DMD: variants seen among roughly 807,000 people sequenced by gnomAD.
DMD encodes dystrophin, also known as mutant dystrophin.
DMD carries 63 observed loss-of-function variants against 330.1 expected under a neutral mutation model. That is an observed-to-expected ratio of 0.19 (90% CI 0.16 to 0.24). The LOEUF (loss-of-function observed/expected upper bound fraction) is 0.24, where lower values mean the gene tolerates loss of function less well. Among genes scored for constraint, DMD ranks in the 10% least tolerant of loss-of-function variants. The pLI is 1.00. For synonymous variants in DMD, 1,223 were observed against 959.8 expected, an observed-to-expected ratio of 1.27 and a Z score of -5.07; for missense variants, 3,344 against 2,684.1, an observed-to-expected ratio of 1.25 and a Z score of -5.43.
chrX:32,544,027 T>G (rs1238865929), intron 17 of DMD, among the ~76,000 whole-genome samples: 1 of 112,133 alleles, frequency 8.9e-6, no homozygotes, highest in Non-Finnish European at 1.9e-5. Context: ...TTTTGATTAT[T>G]TTCAACCATT....
In DMD at chrX:31,420,537, C is replaced by T. The variant is rs181032664; in HGVS notation, c.9084+23944G>A. 1.7e-4 allele frequency among the ~76,000 whole-genome samples: 19 copies of T among 111,796 alleles called. No individual in the cohort carries two copies. The East Asian group carries it at 5.1e-3, about 30-fold the overall frequency. On this transcript the variant is annotated intron_variant, in intron 60 of 78. Coordinates refer to ENST00000357033, the MANE Select transcript of DMD (RefSeq NM_004006.3). ...CCTGACATCTGTTTTTTTTAATCAC[C>T]CTTATAGCAAGTTAGTTTTAAAGAA...
At chrX:32,477,159 CTTT>C (rs1460860841) in intron 21 of DMD, among the ~76,000 whole-genome samples, 1 of 111,040 alleles carries the variant, frequency 9.0e-6, no homozygotes, top group Non-Finnish European at 1.9e-5. Flanking sequence ...ATGCAGATAT[CTTT>C]TTGGTTTTAT....
chrX:32,971,455 G>A (rs1352745236), intron 2 of DMD, among the ~76,000 whole-genome samples: 3 of 110,766 alleles, frequency 2.7e-5, no homozygotes, highest in African/African-American at 9.9e-5. Flanking sequence ...AAATTTCAGG[G>A]AAAAAAACCC....
At chrX:32,325,878 A>G (rs1199092029) in intron 41 of DMD, among the ~76,000 whole-genome samples, 2 of 104,217 alleles carry the variant, frequency 1.9e-5, no homozygotes, top group Non-Finnish European at 3.9e-5. Flanking sequence ...ATCTCGGCTC[A>G]CTGCAAACTA....
intron 13 of DMD, among the ~76,000 whole-genome samples, chrX:32,585,610 G>A (rs1171019208): frequency 2.0e-5 from 2 of 98,949 alleles, no homozygotes; most frequent in African/African-American, 7.4e-5. Flanking sequence ...TGAGGTAGGA[G>A]AATGGCATGA....
At chrX:32,107,005 T>C (rs974670024) in intron 44 of DMD, among the ~76,000 whole-genome samples, 3 of 112,003 alleles carry the variant, frequency 2.7e-5, no homozygotes, top group African/African-American at 9.7e-5. Flanking sequence ...GAAAAGTCAA[T>C]GGGATCTAAT....
intron 43 of DMD, among the ~76,000 whole-genome samples, chrX:32,219,225 G>C (rs1450975850): frequency 8.9e-6 from 1 of 111,882 alleles, no homozygotes; most frequent in Non-Finnish European, 1.9e-5. Flanking sequence ...GTTTTTGCAT[G>C]TTTACTAATA....
intron 2 of DMD, among the ~76,000 whole-genome samples, chrX:32,984,189 C>G (rs1336822193): frequency 8.9e-6 from 1 of 111,989 alleles, no homozygotes; most frequent in East Asian, 2.8e-4. Flanking sequence ...AGAAGTGGTA[C>G]CAAGTGATCA....
Position 32,217,071 on chromosome X carries a change from TA to T in DMD, c.6291-9del. On this transcript the variant is annotated splice_polypyrimidine_tract_variant and intron_variant, in intron 43 of 78. Coordinates refer to ENST00000357033, the MANE Select transcript of DMD (RefSeq NM_004006.3). ...ACAGATCTGTCAAATCGCCTGCAGG[TA>T]AAAGCATATGGATCAAGAAAAATAG... The T allele has an allele frequency of 8.3e-7, 1 of 1,205,185 alleles. No individual in the cohort carries two copies. The highest frequency in any genetic ancestry group is 1.8e-5 in the South Asian group (1 of 56,715).
chrX:32,814,923 A>G (rs963305618), intron 6 of DMD, among the ~76,000 whole-genome samples: 3 of 111,555 alleles, frequency 2.7e-5, no homozygotes, highest in African/African-American at 9.8e-5. Context: ...AGCAAAATCA[A>G]TATTTTCGGG....
chrX:32,644,388 G>C, intron 10 of DMD, 75 bp from the exon 11 acceptor site: 1 of 1,077,664 alleles, frequency 9.3e-7, no homozygotes, highest in Non-Finnish European at 1.3e-6. Context: ...TTATTTGTTT[G>C]CAGTTTTAAA....
intron 5 of DMD, among the ~76,000 whole-genome samples, chrX:32,819,950 AG>A (rs1191782523): frequency 9.0e-6 from 1 of 111,284 alleles, no homozygotes; most frequent in Admixed American, 9.6e-5. Context: ...GTTTTAGAAC[AG>A]GGCAGTGTGA....
rs755431550 is a variant in DMD at position 31,660,152 on chromosome X, T to C, written c.7873-2008A>G. On this transcript the variant is annotated intron_variant, in intron 53 of 78. Transcript: ENST00000357033. Reference sequence around the variant, plus strand: ...AAGCTAATGCCAATATCACTGACTTTTGCTATGAAAGCAGAGGACAGTGTC... The same window carrying C: ...AAGCTAATGCCAATATCACTGACTTCTGCTATGAAAGCAGAGGACAGTGTC... Among the ~76,000 whole-genome samples the C allele has an allele frequency of 3.6e-5, 4 of 112,546 alleles. No individual in the cohort carries two copies. In the East Asian group the frequency reaches 1.1e-3, roughly 31 times the overall value.
chrX:32,075,004 G>T (rs2096332224), intron 44 of DMD, among the ~76,000 whole-genome samples: 1 of 111,614 alleles, frequency 9.0e-6, no homozygotes, highest in African/African-American at 3.3e-5. Flanking sequence ...ACAGAAAGAG[G>T]TTCGGAACTT....
chrX:32,865,248 G>A (rs1399420858), intron 2 of DMD, among the ~76,000 whole-genome samples: 1 of 111,079 alleles, frequency 9.0e-6, no homozygotes, highest in Non-Finnish European at 1.9e-5. Context: ...CACAGCTTTT[G>A]TAATAGCCTA....
At chrX:33,199,662 G>A (rs958088578) in intron 1 of DMD, among the ~76,000 whole-genome samples, 5 of 111,132 alleles carry the variant, frequency 4.5e-5, no homozygotes, top group Admixed American at 3.8e-4. Context: ...TGCAATGATC[G>A]AGGAAGAGAT....
rs757928085 is a variant in DMD at position 32,866,764 on chromosome X, C to T, written c.94-16944G>A. ...GGGTGGGGGGGGGGGGACAGAGTTT[C>T]ACTCTTTCGCCCAGCCTGCAGCGCA... On this transcript the variant is annotated intron_variant, in intron 2 of 78. Coordinates refer to ENST00000357033, the MANE Select transcript of DMD (RefSeq NM_004006.3). Among the ~76,000 whole-genome samples the T allele has an allele frequency of 2.6e-3, 251 of 98,214 alleles. 1 individual carries two copies. The highest frequency in any genetic ancestry group is 8.5e-3 in the African/African-American group (224 of 26,378). The allele number at this position is 98,214 out of a possible 115,157, so 85.3% of individuals were successfully genotyped here.
intron 37 of DMD, among the ~76,000 whole-genome samples, chrX:32,358,772 T>C (rs1265458834): frequency 9.0e-6 from 1 of 111,349 alleles, no homozygotes; most frequent in East Asian, 2.8e-4. Flanking sequence ...TCTTTCATTT[T>C]TTTCCATCAG....
intron 2 of DMD, among the ~76,000 whole-genome samples, chrX:32,921,536 C>G (rs952089022): frequency 9.0e-6 from 1 of 111,227 alleles, no homozygotes; most frequent in Non-Finnish European, 1.9e-5. Context: ...AACTGATATA[C>G]GTGGCCATGT....
Sources: gnomAD v4.1 joint callset for allele counts (sites outside exome capture counted in the v4.1 genomes callset) on GRCh38, gnomAD v4.1.1 for gene constraint, MANE v1.5 for transcripts, NCBI Gene and HGNC (gene_info 2026-07-23, HGNC 2026-07-21) for gene names.